Variants in NEGR1 observed in about 807,000 individuals in gnomAD.
NEGR1 encodes neuronal growth regulator 1.
A neutral mutation model predicts 40.9 loss-of-function variants in NEGR1; 10 were observed. The observed-to-expected ratio is 0.24, with a 90% CI of 0.15 to 0.42. NEGR1 has a LOEUF of 0.42. NEGR1 is among the 10% of genes least tolerant of loss of function. The pLI is 1.00. For synonymous variants in NEGR1, 185 were observed against 166.8 expected, an observed-to-expected ratio of 1.11 and a Z score of -0.84; for missense variants, 352 against 438.9, an observed-to-expected ratio of 0.80 and a Z score of 1.77.
At chr1:71,467,587 T>C (rs1052137887) in intron 6 of NEGR1, among the ~76,000 whole-genome samples, 1 of 152,036 alleles carries the variant, frequency 6.6e-6, no homozygotes, top group Non-Finnish European at 1.5e-5. Flanking sequence ...TTTATGACTA[T>C]TGATAATTAG....
chr1:71,824,946 A>C (rs753247120), intron 2 of NEGR1, among the ~76,000 whole-genome samples: 1 of 151,936 alleles, frequency 6.6e-6, no homozygotes, highest in Non-Finnish European at 1.5e-5. Flanking sequence ...GATTTTGTGA[A>C]TTAGACTGCT....
intron 1 of NEGR1, among the ~76,000 whole-genome samples, chr1:72,081,228 C>G (rs1317634632): frequency 1.3e-5 from 2 of 151,972 alleles, no homozygotes; most frequent in Non-Finnish European, 2.9e-5. Context: ...CTAGAGAAAT[C>G]AAATAAAACT....
chr1:71,903,721 G>A (rs961814428), intron 2 of NEGR1, among the ~76,000 whole-genome samples: 3 of 150,972 alleles, frequency 2.0e-5, no homozygotes, highest in Non-Finnish European at 4.4e-5. Flanking sequence ...CCATATATAT[G>A]TATATATGTA....
intron 1 of NEGR1, among the ~76,000 whole-genome samples, chr1:71,941,439 C>A (rs1645958534): frequency 6.6e-6 from 1 of 151,794 alleles, no homozygotes. Flanking sequence ...TAAATATTTC[C>A]TAGATAATAA....
chr1:72,113,357 G>A (rs1012121207), intron 1 of NEGR1, among the ~76,000 whole-genome samples: 1 of 151,454 alleles, frequency 6.6e-6, no homozygotes, highest in African/African-American at 2.4e-5. Context: ...TAAAGAAAGT[G>A]TATTTATTGC....
rs542339069 is a variant in NEGR1, at chr1:72,204,040, G to A, written c.176+78279C>T. Among the ~76,000 whole-genome samples the A allele has an allele frequency of 8.5e-5, 13 of 152,116 alleles. 1 individual carries two copies. The highest frequency in any genetic ancestry group is 5.2e-4 in the Admixed American group (8 of 15,242). ...ACCAAAATGTCACTAGCAGTATTGCGATATTTGCTTTATTGTGGTGATCTA... is the reference window on the plus strand; with the variant it reads ...ACCAAAATGTCACTAGCAGTATTGCAATATTTGCTTTATTGTGGTGATCTA... On this transcript the variant is annotated intron_variant, in intron 1 of 6. Coordinates refer to ENST00000357731, the MANE Select transcript of NEGR1 (RefSeq NM_173808.3).
intron 4 of NEGR1, among the ~76,000 whole-genome samples, chr1:71,617,297 C>G (rs751287064): frequency 6.6e-6 from 1 of 152,184 alleles, no homozygotes; most frequent in Non-Finnish European, 1.5e-5. Context: ...AGCACCATAA[C>G]TAGATGAAAT....
chr1:71,914,197 G>A (rs951742778), intron 2 of NEGR1, among the ~76,000 whole-genome samples: 5 of 152,118 alleles, frequency 3.3e-5, no homozygotes, highest in Non-Finnish European at 5.9e-5. Flanking sequence ...CAGAGGACAG[G>A]AATACATTAT....
In NEGR1 at chr1:71,888,164, C is replaced by T. The variant is rs193072789; in HGVS notation, c.409+46915G>A. On this transcript the variant is annotated intron_variant, in intron 2 of 6. Coordinates refer to ENST00000357731, the MANE Select transcript of NEGR1 (RefSeq NM_173808.3). ...TTTTATTTTTTTTCTTCTAACCTATCTCTGAATAGAAAAAGAAACTGATTT... is the reference window on the plus strand; with the variant it reads ...TTTTATTTTTTTTCTTCTAACCTATTTCTGAATAGAAAAAGAAACTGATTT... Among the ~76,000 whole-genome samples, 371 of 152,210 alleles carry T rather than the reference C, an allele frequency of 2.4e-3. 2 individuals are homozygous for T. Among genetic ancestry groups the T allele is most frequent in the African/African-American group, 8.6e-3 (358 of 41,524 alleles).
chr1:71,460,474 G>A (rs1355990419), intron 6 of NEGR1, among the ~76,000 whole-genome samples: 1 of 152,174 alleles, frequency 6.6e-6, no homozygotes, highest in African/African-American at 2.4e-5. Context: ...TTCAAGCCCT[G>A]ATGGGCAATT....
At chr1:72,171,676 A>C (rs1034109917) in intron 1 of NEGR1, among the ~76,000 whole-genome samples, 4 of 152,310 alleles carry the variant, frequency 2.6e-5, no homozygotes, top group Non-Finnish European at 4.4e-5. Context: ...GTGAAAAATA[A>C]GTTATGTATA....
At chr1:71,961,326 C>T (rs1412119016) in intron 1 of NEGR1, among the ~76,000 whole-genome samples, 1 of 152,038 alleles carries the variant, frequency 6.6e-6, no homozygotes, top group African/African-American at 2.4e-5. Context: ...CATTATTTAT[C>T]GCTGGCTTGC....
At chr1:71,928,632 T>C (rs1025241196) in intron 2 of NEGR1, among the ~76,000 whole-genome samples, 5 of 151,084 alleles carry the variant, frequency 3.3e-5, no homozygotes, top group Non-Finnish European at 7.4e-5. Flanking sequence ...ATGATCGTCC[T>C]GTTAACTAAT....
intron 4 of NEGR1, among the ~76,000 whole-genome samples, chr1:71,696,577 C>T (rs1021458534): frequency 6.6e-6 from 1 of 151,782 alleles, no homozygotes; most frequent in Non-Finnish European, 1.5e-5. Context: ...AAGCCCTCAA[C>T]CCTCCAACAA....
intron 4 of NEGR1, 73 bp from the exon 5 acceptor site, chr1:71,611,219 A>T: frequency 7.3e-7 from 1 of 1,376,292 alleles, no homozygotes. Flanking sequence ...TGACACACAT[A>T]TATTTTTATT....
chr1:72,225,663 A>T (rs1654168274), intron 1 of NEGR1, among the ~76,000 whole-genome samples: 1 of 151,536 alleles, frequency 6.6e-6, no homozygotes, highest in South Asian at 2.1e-4. Flanking sequence ...AACATCATTA[A>T]TGGGCATTTA....
intron 6 of NEGR1, among the ~76,000 whole-genome samples, chr1:71,494,386 T>C (rs562693617): frequency 2.7e-4 from 41 of 152,260 alleles, no homozygotes; most frequent in African/African-American, 9.9e-4. Context: ...TCTGTGTGTA[T>C]TGCCACACAT....
chr1:71,572,190 A>C (rs1478241432), intron 6 of NEGR1, among the ~76,000 whole-genome samples: 1 of 152,142 alleles, frequency 6.6e-6, no homozygotes, highest in Non-Finnish European at 1.5e-5. Context: ...GACCCCTCTG[A>C]TCTCTGTTCC....
intron 2 of NEGR1, among the ~76,000 whole-genome samples, chr1:71,816,922 C>T (rs1350349392): frequency 6.9e-6 from 1 of 145,736 alleles, no homozygotes; most frequent in African/African-American, 2.6e-5. Context: ...ACTGTCACTT[C>T]CTTTTTTTCT....
Sources: allele counts gnomAD v4.1 joint callset (sites outside exome capture counted in the v4.1 genomes callset), GRCh38; gene constraint gnomAD v4.1.1; transcripts MANE v1.5; gene names NCBI Gene and HGNC (gene_info 2026-07-23, HGNC 2026-07-21).